FHIT: variants seen among roughly 807,000 people sequenced by gnomAD.
FHIT encodes bis(5'-adenosyl)-triphosphatase.
In FHIT, 19 loss-of-function variants were observed where a neutral mutation model predicts 17.9. That is an observed-to-expected ratio of 1.06 (90% CI 0.74 to 1.56). FHIT has a LOEUF of 1.56. FHIT is among the 40% of genes most tolerant of loss of function. FHIT has a pLI of 0.00. For synonymous variants in FHIT, 81 were observed against 69.7 expected, an observed-to-expected ratio of 1.16 and a Z score of -0.81; for missense variants, 248 against 189.2, an observed-to-expected ratio of 1.31 and a Z score of -1.82.
intron 5 of FHIT, among the ~76,000 whole-genome samples, chr3:60,272,559 G>T (rs1280150897): frequency 1.3e-5 from 2 of 152,096 alleles, no homozygotes; most frequent in African/African-American, 4.8e-5. Context: ...AAATCTTGAG[G>T]TACAGAAAGG....
chr3:60,804,268 G>T (rs1701304607), intron 4 of FHIT, among the ~76,000 whole-genome samples: 1 of 152,156 alleles, frequency 6.6e-6, no homozygotes, highest in South Asian at 2.1e-4. Context: ...TAGGAGGCAG[G>T]GGCTCTGCTT....
chr3:60,012,300 A>AC (rs1700173525), intron 6 of FHIT, among the ~76,000 whole-genome samples: 1 of 107,722 alleles, frequency 9.3e-6, no homozygotes. Context: ...AAAGGGTCTT[A>AC]CTCAGTTGTC....
intron 8 of FHIT, among the ~76,000 whole-genome samples, chr3:59,777,081 C>T (rs556916029): frequency 1.3e-5 from 2 of 152,278 alleles, no homozygotes; most frequent in African/African-American, 2.4e-5. Flanking sequence ...CATGTCTAGG[C>T]CCTGTGCACT....
At chr3:60,724,069 C>T (rs868991747) in intron 4 of FHIT, among the ~76,000 whole-genome samples, 26 of 152,264 alleles carry the variant, frequency 1.7e-4, no homozygotes, top group South Asian at 6.2e-4. Context: ...CGTGCAACCA[C>T]GACCACAATC....
intron 2 of FHIT, among the ~76,000 whole-genome samples, chr3:61,137,620 CTG>C: frequency 6.6e-6 from 1 of 152,218 alleles, no homozygotes; most frequent in East Asian, 1.9e-4. Context: ...TTTTACCAAA[CTG>C]TGACAGTGTG....
intron 2 of FHIT, among the ~76,000 whole-genome samples, chr3:61,087,106 G>A (rs2035330062): frequency 6.6e-6 from 1 of 152,070 alleles, no homozygotes; most frequent in African/African-American, 2.4e-5. Context: ...CAGTTTCAAT[G>A]TCACCTCTTC....
At chr3:60,843,702 T>C (rs1209927702) in intron 3 of FHIT, among the ~76,000 whole-genome samples, 2 of 152,170 alleles carry the variant, frequency 1.3e-5, no homozygotes, top group East Asian at 3.9e-4. Context: ...AAAAATCCTA[T>C]ACTTGTTTGA....
intron 2 of FHIT, among the ~76,000 whole-genome samples, chr3:61,188,486 T>C (rs556640091): frequency 0.012 from 1,830 of 152,252 alleles, 41 homozygotes; most frequent in African/African-American, 0.042. Context: ...GATTCACAGC[T>C]GAATTCTACC....
At chr3:59,930,411 T>A (rs1485526030) in intron 7 of FHIT, among the ~76,000 whole-genome samples, 1 of 152,176 alleles carries the variant, frequency 6.6e-6, no homozygotes, top group African/African-American at 2.4e-5. Flanking sequence ...AGTTCAAGTA[T>A]TTAGTCTCCT....
intron 5 of FHIT, among the ~76,000 whole-genome samples, chr3:60,048,272 G>A (rs1355189834): frequency 2.6e-5 from 4 of 152,160 alleles, no homozygotes; most frequent in African/African-American, 7.2e-5. Context: ...TGCCTCCTGG[G>A]TTCAAGCTAT....
At chr3:61,127,638 G>C (rs1446494199) in intron 2 of FHIT, among the ~76,000 whole-genome samples, 1 of 152,106 alleles carries the variant, frequency 6.6e-6, no homozygotes, top group East Asian at 1.9e-4. Flanking sequence ...GCCGAGGTGG[G>C]TAGATCACCT....
intron 5 of FHIT, among the ~76,000 whole-genome samples, chr3:60,228,099 A>G (rs1704303188): frequency 1.3e-5 from 2 of 152,154 alleles, no homozygotes; most frequent in African/African-American, 2.4e-5. Flanking sequence ...TGTCCTTCAT[A>G]ATGGCAACAA....
At chr3:60,614,373 GTGGA>G (rs2038875952) in intron 4 of FHIT, among the ~76,000 whole-genome samples, 1 of 152,170 alleles carries the variant, frequency 6.6e-6, no homozygotes, top group African/African-American at 2.4e-5. Context: ...CACTTTGGAG[GTGGA>G]TGGATGACCT....
intron 5 of FHIT, among the ~76,000 whole-genome samples, chr3:60,519,483 C>G (rs79199791): frequency 0.13 from 19,294 of 152,222 alleles, 1,432 homozygotes; most frequent in Middle Eastern, 0.23. Flanking sequence ...CAAAACTTAA[C>G]TACTAGTAGA....
At chr3:61,015,934 T>C (rs1350375747) in intron 3 of FHIT, among the ~76,000 whole-genome samples, 4 of 152,176 alleles carry the variant, frequency 2.6e-5, no homozygotes, top group African/African-American at 7.2e-5. Context: ...ACTTCCTTTT[T>C]AAAAAACTTT....
At chr3:60,494,210 T>C (rs1419571875) in intron 5 of FHIT, among the ~76,000 whole-genome samples, 1 of 152,174 alleles carries the variant, frequency 6.6e-6, no homozygotes, top group East Asian at 1.9e-4. Context: ...CATTCTACAT[T>C]CCCCACTACC....
At chr3:61,186,696 T>G (rs148784761) in intron 2 of FHIT, among the ~76,000 whole-genome samples, 52 of 152,328 alleles carry the variant, frequency 3.4e-4, no homozygotes, top group African/African-American at 1.2e-3. Flanking sequence ...TCTAACCTTT[T>G]GTCAAATGAG....
At chr3:61,082,013 T>C (rs965855717) in intron 2 of FHIT, among the ~76,000 whole-genome samples, 1 of 151,912 alleles carries the variant, frequency 6.6e-6, no homozygotes, top group Non-Finnish European at 1.5e-5. Context: ...TACAATTGTC[T>C]CACCTGGGTA....
intron 5 of FHIT, among the ~76,000 whole-genome samples, chr3:60,386,309 G>A (rs555882694): frequency 6.6e-6 from 1 of 152,268 alleles, no homozygotes; most frequent in African/African-American, 2.4e-5. Context: ...TCTGTGAGCT[G>A]CACATTTTTT....
Sources: gnomAD v4.1 joint callset for allele counts (sites outside exome capture counted in the v4.1 genomes callset) on GRCh38, gnomAD v4.1.1 for gene constraint, MANE v1.5 for transcripts, NCBI Gene and HGNC (gene_info 2026-07-23, HGNC 2026-07-21) for gene names.